The following MYO3B variants were observed in gnomAD, a reference collection of about 807,000 sequenced individuals.
The protein encoded by MYO3B is myosin IIIB, also known as myosin-IIIb.
MYO3B carries 156 observed loss-of-function variants against 174.6 expected under a neutral mutation model. The observed-to-expected ratio is 0.89, with a 90% CI of 0.78 to 1.02. The LOEUF (loss-of-function observed/expected upper bound fraction) is 1.02, where lower values mean the gene tolerates loss of function less well. Among genes scored for constraint, MYO3B ranks in the 50% least tolerant of loss-of-function variants. MYO3B has a pLI of 0.00. For synonymous variants in MYO3B, 563 were observed against 569.1 expected (o/e 0.99, Z 0.15); for missense variants, 1,632 against 1,639.4 (o/e 1.00, Z 0.08).
intron 32 of MYO3B, among the ~76,000 whole-genome samples, chr2:170,551,592 G>T (rs1316968715): frequency 6.8e-6 from 1 of 146,740 alleles, no homozygotes; most frequent in Non-Finnish European, 1.5e-5. Context: ...ACATAAGGAA[G>T]TGTACAGTTT....
intron 32 of MYO3B, among the ~76,000 whole-genome samples, chr2:170,614,602 GA>G (rs1296835426): frequency 6.6e-6 from 1 of 152,110 alleles, no homozygotes; most frequent in Non-Finnish European, 1.5e-5. Flanking sequence ...AGATCATCTG[GA>G]ACCTTAATAT....
rs113751825 is a variant in MYO3B at position 170,544,362 on chromosome 2, C to G, written c.3733+374C>G. Reference sequence around the variant, plus strand: ...TATGGATTTAGAAAGTAGTTCTGCCCTTTTGGCAACATGGCCATTCTTTGA... The same window carrying G: ...TATGGATTTAGAAAGTAGTTCTGCCGTTTTGGCAACATGGCCATTCTTTGA... On this transcript the variant is annotated intron_variant, in intron 32 of 34. Transcript: ENST00000408978. Among the ~76,000 whole-genome samples, 155 of 152,274 alleles carry G rather than the reference C, an allele frequency of 1.0e-3. 1 individual carries two copies. Among genetic ancestry groups the G allele is most frequent in the African/African-American group, 3.6e-3 (148 of 41,560 alleles).
rs187872874 is a variant in MYO3B at position 170,502,761 on chromosome 2, T to G, written c.3370+896T>G. ...GTAGACTCAGCAGCAGAGAGAGTGA[T>G]AGGATTTCACATACAGCTGAGCTTG... On this transcript the variant is annotated intron_variant, in intron 28 of 34. Coordinates refer to ENST00000408978, the MANE Select transcript of MYO3B (RefSeq NM_138995.5). Among the ~76,000 whole-genome samples the G allele has an allele frequency of 8.7e-4, 132 of 152,262 alleles. 1 individual carries two copies. The highest frequency in any genetic ancestry group is 7.4e-5 in the Non-Finnish European group (5 of 68,012).
intron 22 of MYO3B, among the ~76,000 whole-genome samples, chr2:170,436,794 G>A (rs2105896752): frequency 6.6e-6 from 1 of 152,262 alleles, no homozygotes; most frequent in South Asian, 2.1e-4. Flanking sequence ...GGTAAAAAGT[G>A]GGAGGAATCT....
intron 7 of MYO3B, among the ~76,000 whole-genome samples, chr2:170,285,549 G>A (rs140816968): frequency 0.015 from 2,312 of 152,162 alleles, 55 homozygotes; most frequent in East Asian, 0.073. Context: ...TTTTAGTAGA[G>A]ATGGTGTTTC....
rs2092805082 is a variant in MYO3B, at chr2:170,214,383, G to GA, written c.326_327insA (p.Cys109Ter). ...GTCTGGCACCTCTTCTTGCAGCTGT[G>GA]TAATGGGGGCTCAGTCACTGAGCTT... is the stretch of plus-strand genomic sequence containing the variant. ...GGQLWLVLEL[C>*]NGGSVTELVK... Residue 109 changes from cysteine to a stop codon, truncating the protein, a stop_gained and frameshift_variant, in exon 4 of 35, where the codon TGT becomes TGAT. Coordinates refer to ENST00000408978, the MANE Select transcript of MYO3B (RefSeq NM_138995.5). LOFTEE classifies it high-confidence loss of function. The GA allele has an allele frequency of 6.2e-7, 1 of 1,614,024 alleles. No individual in the cohort carries two copies. The highest frequency in any genetic ancestry group is 8.5e-7 in the Non-Finnish European group (1 of 1,179,920).
At chr2:170,202,584 A>G (rs1411674756) in intron 3 of MYO3B, among the ~76,000 whole-genome samples, 2 of 152,222 alleles carry the variant, frequency 1.3e-5, no homozygotes, top group African/African-American at 4.8e-5. Flanking sequence ...AGCATATTTC[A>G]GCACATTTTC....
chr2:170,591,118 A>G (rs1693796217), intron 32 of MYO3B, among the ~76,000 whole-genome samples: 2 of 152,176 alleles, frequency 1.3e-5, no homozygotes, highest in Non-Finnish European at 2.9e-5. Context: ...TATTTTTCCC[A>G]ATTGCCTCAG....
intron 23 of MYO3B, among the ~76,000 whole-genome samples, chr2:170,462,766 T>G (rs1684373192): frequency 1.3e-5 from 2 of 152,262 alleles, no homozygotes; most frequent in African/African-American, 2.4e-5. Context: ...TACAATTGTT[T>G]TCATCAATCA....
intron 7 of MYO3B, among the ~76,000 whole-genome samples, chr2:170,275,516 T>C (rs1046012497): frequency 6.6e-6 from 1 of 152,214 alleles, no homozygotes; most frequent in Non-Finnish European, 1.5e-5. Flanking sequence ...CATTTTATTT[T>C]ATTTTTGAGA....
intron 32 of MYO3B, among the ~76,000 whole-genome samples, chr2:170,544,210 T>C (rs75945929): frequency 0.012 from 1,864 of 152,350 alleles, 49 homozygotes; most frequent in East Asian, 0.089. Context: ...TCCATGCTTT[T>C]CCATTTACTT....
In MYO3B at chr2:170,309,360, A is replaced by G. The variant is rs142079433; in HGVS notation, c.750-26025A>G. On this transcript the variant is annotated intron_variant, in intron 7 of 34. Coordinates refer to ENST00000408978, the MANE Select transcript of MYO3B (RefSeq NM_138995.5). ...CTAAGGAGGTACTAGCTTCCTTTTT[A>G]TCCTGCCACTAGATCTTTATACATG... 2.2e-3 allele frequency among the ~76,000 whole-genome samples: 330 copies of G among 152,270 alleles called. 2 individuals carry two copies. In the Middle Eastern group the frequency reaches 0.024, roughly 11 times the overall value.
In MYO3B at chr2:170,392,235, G is replaced by A. The variant is rs1205761594; in HGVS notation, c.1677-146G>A. On this transcript the variant is annotated intron_variant, in intron 15 of 34. Coordinates refer to ENST00000408978, the MANE Select transcript of MYO3B (RefSeq NM_138995.5). Reference sequence around the variant, plus strand: ...TAGAGCCCAGGAGTTCAAGGCTGCAGTGAGCTATGATCACACCACTGCACT... The same window carrying A: ...TAGAGCCCAGGAGTTCAAGGCTGCAATGAGCTATGATCACACCACTGCACT... The A allele has an allele frequency of 8.6e-6, 4 of 464,990 alleles. No individual in the cohort carries two copies. In the East Asian group the frequency reaches 1.4e-4, roughly 16 times the overall value. 28.8% of individuals were successfully genotyped at this position (464,990 alleles called of 1,614,324 possible).
At chr2:170,281,670 C>T (rs530975760) in intron 7 of MYO3B, among the ~76,000 whole-genome samples, 209 of 152,166 alleles carry the variant, frequency 1.4e-3, no homozygotes, top group Non-Finnish European at 2.5e-3. Flanking sequence ...AACCTAATGT[C>T]ACAACTGAAA....
At chr2:170,440,012 C>G (rs1169186380) in intron 22 of MYO3B, among the ~76,000 whole-genome samples, 3 of 152,136 alleles carry the variant, frequency 2.0e-5, no homozygotes, top group Admixed American at 2.0e-4. Flanking sequence ...AATCTTCAAG[C>G]CATTTTGATA....
At chr2:170,599,820 G>A (rs1242828703) in intron 32 of MYO3B, among the ~76,000 whole-genome samples, 2 of 152,044 alleles carry the variant, frequency 1.3e-5, no homozygotes, top group Admixed American at 6.6e-5. Flanking sequence ...TTAGTCTCAG[G>A]CTTAGAAAAA....
At position 170,499,646 on chromosome 2, in the gene MYO3B, GT is replaced by G. The variant is rs773136951; in HGVS notation, c.3132del (p.Leu1045SerfsTer9). ...LDHWVLGKTK[V>X]FLKYYHVEQL... is the part of the protein sequence containing the mutation. ...TGCTAAAACTACTGTCTCGTTTCAG[GT>G]TTTTCTCAAATATTACCATGTTGAG... On this transcript the variant is annotated frameshift_variant and splice_region_variant, in exon 27 of 35. Coordinates refer to ENST00000408978, the MANE Select transcript of MYO3B (RefSeq NM_138995.5). LOFTEE classifies it high-confidence loss of function. 2.7e-5 allele frequency: 43 copies of G among 1,613,816 alleles called. No homozygotes were observed. Among genetic ancestry groups the G allele is most frequent in the Admixed American group, 1.0e-4 (6 of 59,990 alleles).
intron 7 of MYO3B, among the ~76,000 whole-genome samples, chr2:170,295,616 C>A (rs1003059886): frequency 2.0e-5 from 3 of 152,054 alleles, no homozygotes; most frequent in Non-Finnish European, 2.9e-5. Flanking sequence ...TTACTATTAT[C>A]ATTTAAAATA....
chr2:170,629,250 G>A (rs1696731672), intron 32 of MYO3B, among the ~76,000 whole-genome samples: 1 of 152,154 alleles, frequency 6.6e-6, no homozygotes. Context: ...ACTTCTGCTG[G>A]ACTGCCAGCC....
Sources: allele counts gnomAD v4.1 joint callset (sites outside exome capture counted in the v4.1 genomes callset), GRCh38; gene constraint gnomAD v4.1.1; transcripts MANE v1.5; gene names NCBI Gene and HGNC (gene_info 2026-07-23, HGNC 2026-07-21).